Variants in RNF157 observed in about 807,000 individuals in gnomAD.
The protein encoded by RNF157 is ring finger protein 157.
In RNF157, 55 loss-of-function variants were observed where a neutral mutation model predicts 88.3. The observed-to-expected ratio is 0.62, with a 90% CI of 0.50 to 0.78. The LOEUF is 0.78. Ranked by LOEUF, RNF157 falls within the 30% of genes least tolerant of loss-of-function variation. RNF157 has a pLI of 0.00. For synonymous variants in RNF157, 334 were observed against 341.2 expected (o/e 0.98, Z 0.23); for missense variants, 788 against 860.8 (o/e 0.92, Z 1.06).
rs566280985 is a variant in RNF157 at position 76,227,109 on chromosome 17, CTTTT to C, written c.88+13040_88+13043del. On this transcript the variant is annotated intron_variant, in intron 1 of 18. Coordinates refer to ENST00000269391, the MANE Select transcript of RNF157 (RefSeq NM_052916.3). ...AAATGCCAAATAATATTAATAACCT[CTTTT>C]TTTGTTTTTTTTTTTTTTTGAGACG... is the stretch of plus-strand genomic sequence containing the variant. 3.3e-4 allele frequency among the ~76,000 whole-genome samples: 50 copies of C among 150,126 alleles called. No individual in the cohort carries two copies. In the South Asian group the frequency reaches 0.01, roughly 32 times the overall value.
At chr17:76,152,609 T>C (rs1012903834) in intron 17 of RNF157, 144 bp from the exon 18 acceptor site, 1 of 618,252 alleles carries the variant, frequency 1.6e-6, no homozygotes, top group African/African-American at 1.8e-5. Flanking sequence ...GGATAAAGAG[T>C]GGACAAGAAA....
rs1404406061 is a variant in RNF157 at position 76,155,601 on chromosome 17, G to C, written c.1659C>G (p.Ser553=). Residue 553 remains serine, a synonymous_variant, in exon 15 of 19, where the codon TCC becomes TCG. Coordinates refer to ENST00000269391, the MANE Select transcript of RNF157 (RefSeq NM_052916.3). ...AGGGGGCCCTGCTGGCAGGCTGGGGGGAAGAGAGAGCCTCTCCCTCCTCTT... is the reference window on the plus strand; with the variant it reads ...AGGGGGCCCTGCTGGCAGGCTGGGGCGAAGAGAGAGCCTCTCCCTCCTCTT... ...GTEEEGEALS[S]PQPASRAPSE... is the part of the protein sequence containing the mutation. The C allele has an allele frequency of 6.2e-7, 1 of 1,613,096 alleles. No individual in the cohort carries two copies. The highest frequency in any genetic ancestry group is 8.5e-7 in the Non-Finnish European group (1 of 1,179,726).
In RNF157 at chr17:76,232,108, C is replaced by A. The variant is rs950594460; in HGVS notation, c.88+8045G>T. On this transcript the variant is annotated intron_variant, in intron 1 of 18. Transcript: ENST00000269391. ...CTTTAAATTGTTGAACATGGCCAGGCGTGTTGTCTCATGCCTGTAATTCCT... is the reference window on the plus strand; with the variant it reads ...CTTTAAATTGTTGAACATGGCCAGGAGTGTTGTCTCATGCCTGTAATTCCT... Among the ~76,000 whole-genome samples the A allele has an allele frequency of 4.6e-5, 7 of 152,114 alleles. No homozygotes were observed. In the East Asian group the frequency reaches 1.2e-3, roughly 25 times the overall value.
intron 1 of RNF157, among the ~76,000 whole-genome samples, chr17:76,220,839 T>C (rs1050781026): frequency 4.6e-5 from 7 of 151,476 alleles, no homozygotes; most frequent in East Asian, 3.9e-4. Flanking sequence ...GCACCTTTAA[T>C]CCCAGCTACT....
At chr17:76,202,492 C>G (rs1303028327) in intron 2 of RNF157, among the ~76,000 whole-genome samples, 1 of 152,190 alleles carries the variant, frequency 6.6e-6, no homozygotes, top group Non-Finnish European at 1.5e-5. Flanking sequence ...CAAATGTAAT[C>G]AGATGTTAAA....
In RNF157 at chr17:76,146,232, G is replaced by A. The variant is rs761408862; in HGVS notation, c.1922-879C>T. The stretch of plus-strand genomic sequence containing the variant: ...CCAGTTTACAGCAGTGTGACCTTGG[G>A]CACATCAGTTTACTGTGGGCCTTGG... On this transcript the variant is annotated intron_variant, in intron 18 of 18. Coordinates refer to ENST00000269391, the MANE Select transcript of RNF157 (RefSeq NM_052916.3). This position sits in a 1 kb window ranked among gnomAD's most constrained non-coding sequence, Gnocchi z 4.2. The A allele has an allele frequency of 6.2e-6, 3 of 481,122 alleles. No homozygotes were observed. Among genetic ancestry groups the A allele is most frequent in the East Asian group, 1.5e-4 (1 of 6,538 alleles). The allele number at this position is 481,122 out of a possible 1,614,324, so 29.8% of individuals were successfully genotyped here.
chr17:76,223,189 CTTTT>C (rs753507516), intron 1 of RNF157, among the ~76,000 whole-genome samples: 6 of 134,896 alleles, frequency 4.4e-5, no homozygotes, highest in African/African-American at 5.5e-5. Flanking sequence ...CGCACCCGGC[CTTTT>C]TTTTTTTTTT....
intron 2 of RNF157, among the ~76,000 whole-genome samples, chr17:76,202,128 T>TCTCTCTCTCTCTCTCA (rs1250661867): frequency 7.4e-6 from 1 of 134,602 alleles, no homozygotes; most frequent in African/African-American, 3.1e-5. Context: ...TCTCTCTCTC[T>TCTCTCTCTCTCTCTCA]CACACACACA....
At chr17:76,223,879 C>T (rs1404810535) in intron 1 of RNF157, among the ~76,000 whole-genome samples, 2 of 152,218 alleles carry the variant, frequency 1.3e-5, no homozygotes, top group East Asian at 3.8e-4. Context: ...TCAACACATA[C>T]ACAATTCATA....
intron 18 of RNF157, among the ~76,000 whole-genome samples, chr17:76,151,543 T>G (rs2585737): frequency 0.33 from 50,019 of 152,158 alleles, 9,265 homozygotes; most frequent in African/African-American, 0.5. Flanking sequence ...GGACAATTTC[T>G]GTCGTGAAAC....
chr17:76,235,450 G>A lies in RNF157; in HGVS notation c.88+4703C>T, dbSNP rs909682332. ...CCTGACCTCGTGATCTGCCCGCCTCGGCCTCCCAAAGTGCTGGGATTACAG... is the reference window on the plus strand; with the variant it reads ...CCTGACCTCGTGATCTGCCCGCCTCAGCCTCCCAAAGTGCTGGGATTACAG... On this transcript the variant is annotated intron_variant, in intron 1 of 18. Coordinates refer to ENST00000269391, the MANE Select transcript of RNF157 (RefSeq NM_052916.3). 1.6e-4 allele frequency among the ~76,000 whole-genome samples: 24 copies of A among 151,994 alleles called. 1 individual carries two copies. The highest frequency in any genetic ancestry group is 1.2e-3 in the Admixed American group (19 of 15,260).
intron 2 of RNF157, among the ~76,000 whole-genome samples, chr17:76,199,076 G>A (rs534425866): frequency 6.6e-6 from 1 of 152,316 alleles, no homozygotes; most frequent in East Asian, 1.9e-4. Context: ...TCCACAGAAT[G>A]TAAATGATTG....
At chr17:76,201,855 A>T (rs1256885853) in intron 2 of RNF157, among the ~76,000 whole-genome samples, 1 of 152,134 alleles carries the variant, frequency 6.6e-6, no homozygotes, top group African/African-American at 2.4e-5. Flanking sequence ...TATAATGGCC[A>T]TTAGATATTT....
At chr17:76,201,896 C>T (rs529634645) in intron 2 of RNF157, among the ~76,000 whole-genome samples, 9 of 152,016 alleles carry the variant, frequency 5.9e-5, no homozygotes, top group African/African-American at 2.2e-4. Context: ...AGTAATGCTA[C>T]AATATACATT....
chr17:76,225,709 A>G, intron 1 of RNF157: 1 of 1,403,234 alleles, frequency 7.1e-7, no homozygotes, highest in Non-Finnish European at 9.5e-7. Context: ...TACAGCAGAC[A>G]CTCTATGTAC....
At chr17:76,153,229 C>A (rs1167377040) in intron 17 of RNF157, 1 of 152,228 alleles carries the variant, frequency 6.6e-6, no homozygotes, top group African/African-American at 2.4e-5. Context: ...ATGGGAGAAA[C>A]AATCACAAGG....
At chr17:76,179,188 GT>G (rs1429587117) in intron 2 of RNF157, among the ~76,000 whole-genome samples, 7 of 152,278 alleles carry the variant, frequency 4.6e-5, no homozygotes, top group African/African-American at 1.7e-4. Context: ...GAGCTTAGGA[GT>G]TTTGAGACCA....
intron 1 of RNF157, among the ~76,000 whole-genome samples, chr17:76,220,216 T>C (rs1395165850): frequency 6.6e-6 from 1 of 151,948 alleles, no homozygotes; most frequent in Non-Finnish European, 1.5e-5. Context: ...CTAGAACATC[T>C]TGTCATACCA....
chr17:76,156,432 T>A (rs2068765554), intron 13 of RNF157, 111 bp from the exon 14 acceptor site: 1 of 1,526,788 alleles, frequency 6.5e-7, no homozygotes, highest in Non-Finnish European at 8.8e-7. Context: ...AAGGCGACAC[T>A]GGGAGGGACT....
Sources: allele counts gnomAD v4.1 joint callset (sites outside exome capture counted in the v4.1 genomes callset), GRCh38; gene constraint gnomAD v4.1.1; non-coding constraint Gnocchi (gnomAD v3.1); transcripts MANE v1.5; gene names NCBI Gene and HGNC (gene_info 2026-07-23, HGNC 2026-07-21).